Variants in LRRTM4 observed in about 807,000 individuals in gnomAD.
The protein encoded by LRRTM4 is leucine-rich repeat transmembrane neuronal protein 4.
LRRTM4 carries 25 observed loss-of-function variants against 47.6 expected under a neutral mutation model. That is an observed-to-expected ratio of 0.53 (90% CI 0.38 to 0.73). The LOEUF (loss-of-function observed/expected upper bound fraction) is 0.73. Among genes scored for constraint, LRRTM4 ranks in the 30% least tolerant of loss-of-function variants. The pLI, the probability that LRRTM4 is intolerant of heterozygous loss-of-function variation, is 0.00. For missense variants in LRRTM4, 638 were observed against 713.4 expected (o/e 0.89, Z 1.20); for synonymous variants, 311 against 269.5 (o/e 1.15, Z -1.51).
chr2:77,056,040 T>C (rs1371676916), intron 3 of LRRTM4, among the ~76,000 whole-genome samples: 2 of 86,254 alleles, frequency 2.3e-5, no homozygotes, highest in South Asian at 4.3e-4. Context: ...GGGACTGTTG[T>C]GGGGTGGGGG....
At chr2:76,976,431 C>T (rs372333337) in intron 3 of LRRTM4, among the ~76,000 whole-genome samples, 2 of 151,518 alleles carry the variant, frequency 1.3e-5, no homozygotes, top group African/African-American at 4.8e-5. Flanking sequence ...TAAACCAAAA[C>T]CACATGAATA....
chr2:76,916,552 A>T (rs1191061457), intron 3 of LRRTM4, among the ~76,000 whole-genome samples: 1 of 152,102 alleles, frequency 6.6e-6, no homozygotes, highest in South Asian at 2.1e-4. Context: ...AAATAAATCA[A>T]ATAGGCAATT....
intron 3 of LRRTM4, among the ~76,000 whole-genome samples, chr2:76,786,984 A>T (rs17404976): frequency 1.3e-5 from 2 of 151,504 alleles, no homozygotes; most frequent in Admixed American, 6.6e-5. Flanking sequence ...TTTTTTTTCA[A>T]TTTCCAGCAA....
At chr2:77,146,311 A>G (rs981566044) in intron 3 of LRRTM4, among the ~76,000 whole-genome samples, 2 of 152,162 alleles carry the variant, frequency 1.3e-5, no homozygotes, top group African/African-American at 4.8e-5. Context: ...ATTATTTTCT[A>G]ACACTGTATT....
At chr2:77,324,564 T>C (rs1670684441) in intron 3 of LRRTM4, among the ~76,000 whole-genome samples, 1 of 152,162 alleles carries the variant, frequency 6.6e-6, no homozygotes, top group South Asian at 2.1e-4. Context: ...ACATCAGCCC[T>C]GAGACAGGAA....
chr2:77,110,824 A>C (rs890594922), intron 3 of LRRTM4, among the ~76,000 whole-genome samples: 2 of 152,192 alleles, frequency 1.3e-5, no homozygotes, highest in African/African-American at 4.8e-5. Context: ...AATATTATTA[A>C]AGATATAGCC....
intron 3 of LRRTM4, among the ~76,000 whole-genome samples, chr2:76,753,225 G>A (rs1434516735): frequency 6.6e-6 from 1 of 152,012 alleles, no homozygotes; most frequent in Non-Finnish European, 1.5e-5. Flanking sequence ...CTGAAAATAG[G>A]GATAATAATG....
At chr2:76,770,801 GTCTCC>G (rs1553404750) in intron 3 of LRRTM4, among the ~76,000 whole-genome samples, 8 of 152,140 alleles carry the variant, frequency 5.3e-5, no homozygotes, top group Non-Finnish European at 7.3e-5. Context: ...CATAAAATAT[GTCTCC>G]ATTTTCATGC....
intron 3 of LRRTM4, among the ~76,000 whole-genome samples, chr2:76,995,140 T>C (rs1298304730): frequency 6.6e-6 from 1 of 151,978 alleles, no homozygotes; most frequent in Non-Finnish European, 1.5e-5. Context: ...AGAAAATGCA[T>C]ATAAGAGACA....
intron 3 of LRRTM4, among the ~76,000 whole-genome samples, chr2:76,838,503 A>C (rs1205267648): frequency 6.6e-6 from 1 of 152,066 alleles, no homozygotes; most frequent in Non-Finnish European, 1.5e-5. Flanking sequence ...GCAGAAACAT[A>C]TTCTGATTTT....
chr2:76,968,018 A>C (rs1323139463), intron 3 of LRRTM4, among the ~76,000 whole-genome samples: 1 of 150,178 alleles, frequency 6.7e-6, no homozygotes, highest in Admixed American at 6.7e-5. Flanking sequence ...CATTTTATTA[A>C]AAAGGCAAAA....
chr2:76,781,012 C>T (rs1489701217), intron 3 of LRRTM4, among the ~76,000 whole-genome samples: 4 of 152,262 alleles, frequency 2.6e-5, no homozygotes, highest in African/African-American at 9.6e-5. Flanking sequence ...TGTTGGAATA[C>T]CCTGCCGTGT....
At chr2:77,139,336 A>T (rs564663908) in intron 3 of LRRTM4, among the ~76,000 whole-genome samples, 1 of 152,282 alleles carries the variant, frequency 6.6e-6, no homozygotes, top group South Asian at 2.1e-4. Context: ...AAATCAATAA[A>T]CATAATCCAG....
chr2:77,006,809 G>A (rs1677669051), intron 3 of LRRTM4, among the ~76,000 whole-genome samples: 1 of 152,182 alleles, frequency 6.6e-6, no homozygotes, highest in Admixed American at 6.5e-5. Context: ...GACCAGCTAA[G>A]CTTCAGTGGA....
intron 3 of LRRTM4, among the ~76,000 whole-genome samples, chr2:76,855,626 T>C (rs1276261589): frequency 6.6e-6 from 1 of 152,114 alleles, no homozygotes; most frequent in African/African-American, 2.4e-5. Flanking sequence ...TTAATAAAAA[T>C]TAGAATAAAT....
At chr2:76,842,348 A>G (rs527860607) in intron 3 of LRRTM4, among the ~76,000 whole-genome samples, 1 of 152,280 alleles carries the variant, frequency 6.6e-6, no homozygotes, top group Admixed American at 6.5e-5. Context: ...AGTGGAAATT[A>G]TCCTCTGTAA....
chr2:76,956,980 G>T (rs1415886922), intron 3 of LRRTM4, among the ~76,000 whole-genome samples: 1 of 151,598 alleles, frequency 6.6e-6, no homozygotes, highest in Non-Finnish European at 1.5e-5. Flanking sequence ...GTTCATCACA[G>T]CATTACTAAC....
At chr2:77,041,709 G>T (rs939904295) in intron 3 of LRRTM4, among the ~76,000 whole-genome samples, 3 of 150,928 alleles carry the variant, frequency 2.0e-5, no homozygotes, top group Non-Finnish European at 4.4e-5. Flanking sequence ...TTTTTGAGAA[G>T]TATCTATTCA....
At chr2:77,506,004 A>G (rs1678754118) in intron 3 of LRRTM4, among the ~76,000 whole-genome samples, 1 of 151,654 alleles carries the variant, frequency 6.6e-6, no homozygotes, top group Non-Finnish European at 1.5e-5. Context: ...AAGAAAAACC[A>G]TGACATTTCT....
Sources: gnomAD v4.1 joint callset for allele counts (sites outside exome capture counted in the v4.1 genomes callset) on GRCh38, gnomAD v4.1.1 for gene constraint, MANE v1.5 for transcripts, NCBI Gene and HGNC (gene_info 2026-07-23, HGNC 2026-07-21) for gene names.